The following RTN4 variants were observed in gnomAD, a reference collection of about 807,000 sequenced individuals.
RTN4 encodes reticulon-4.
In RTN4, 32 loss-of-function variants were observed where a neutral mutation model predicts 90.4. The observed-to-expected ratio is 0.35, with a 90% CI of 0.27 to 0.48. RTN4 has a LOEUF of 0.48. Among genes scored for constraint, RTN4 ranks in the 20% least tolerant of loss-of-function variants. The pLI is 0.99. For synonymous variants in RTN4, 629 were observed against 552.5 expected, an observed-to-expected ratio of 1.14 and a Z score of -1.94; for missense variants, 1,706 against 1,430.2, an observed-to-expected ratio of 1.19 and a Z score of -3.11.
chr2:55,104,691 T>A (rs564521420), intron 1 of RTN4, among the ~76,000 whole-genome samples: 1 of 152,064 alleles, frequency 6.6e-6, no homozygotes, highest in African/African-American at 2.4e-5. Flanking sequence ...TGAAGAGACA[T>A]CCATTCCTTC....
In RTN4 at chr2:55,049,737, GC is replaced by G; in HGVS notation, c.556+7del. 1 of 1,387,000 alleles carries G rather than the reference GC, an allele frequency of 7.2e-7. No individual in the cohort carries two copies. The highest frequency in any genetic ancestry group is 9.4e-7 in the Non-Finnish European group (1 of 1,065,110). 85.9% of individuals were successfully genotyped at this position (1,387,000 alleles called of 1,614,324 possible). On this transcript the variant is annotated splice_region_variant and intron_variant, in intron 1 of 8. Coordinates refer to ENST00000337526, the MANE Select transcript of RTN4 (RefSeq NM_020532.5). ...GGGCGGCGCGAAGCGAGAGGTCGCG[GC>G]ACTCACCCACTGAGCCCGAGGAGCC...
chr2:55,086,698 T>C (rs902130175), intron 1 of RTN4, among the ~76,000 whole-genome samples: 1 of 151,874 alleles, frequency 6.6e-6, no homozygotes, highest in Non-Finnish European at 1.5e-5. Context: ...TAATTAATAA[T>C]AATAATAACA....
chr2:55,047,100 G>A (rs766858582), intron 1 of RTN4, among the ~76,000 whole-genome samples: 15 of 152,184 alleles, frequency 9.9e-5, no homozygotes, highest in Non-Finnish European at 2.1e-4. Context: ...GCCAAGGTGG[G>A]TGGATCACTG....
intron 1 of RTN4, chr2:55,048,951 A>C (rs1170167782): frequency 4.3e-6 from 1 of 230,962 alleles, no homozygotes; most frequent in Non-Finnish European, 7.1e-6. Context: ...CCGACCCTGC[A>C]GCTGAAACCC....
At chr2:55,064,086 G>C (rs765499130) in intron 2 of RTN4, among the ~76,000 whole-genome samples, 2 of 151,820 alleles carry the variant, frequency 1.3e-5, no homozygotes, top group African/African-American at 4.8e-5. Flanking sequence ...GCCAGGTGTA[G>C]TGGTGTGTAC....
Position 55,025,704 on chromosome 2 carries a change from A to G in RTN4, c.2395T>C (p.Tyr799His), listed in dbSNP as rs1435203765. The stretch of plus-strand genomic sequence containing the variant: ...AAACTGAGCTTAAAAGATTCCAAAT[A>G]TGGCTTTCCTCCCTCAGGTGGCAAA... ...SALPPEGGKP[Y>H]LESFKLSLDN... The change falls in exon 3 of 9, where the codon TAT (tyrosine) becomes CAT (histidine). Residue 799 changes from tyrosine (Y) to histidine (H), a missense_variant. By Grantham distance (83) the Tyr-to-His change is moderately conservative. Coordinates refer to ENST00000337526, the MANE Select transcript of RTN4 (RefSeq NM_020532.5). 1 of 1,613,830 alleles carries G rather than the reference A, an allele frequency of 6.2e-7. No individual in the cohort carries two copies. Among genetic ancestry groups the G allele is most frequent in the African/African-American group, 1.3e-5 (1 of 75,020 alleles).
chr2:55,070,830 A>G (rs369860914), intron 2 of RTN4, among the ~76,000 whole-genome samples: 4 of 151,690 alleles, frequency 2.6e-5, no homozygotes, highest in South Asian at 4.2e-4. Flanking sequence ...AGGCTGGAGT[A>G]CAGTGGTGCG....
At chr2:55,007,445 A>G (rs931169337) in intron 3 of RTN4, among the ~76,000 whole-genome samples, 2 of 152,068 alleles carry the variant, frequency 1.3e-5, no homozygotes, top group Non-Finnish European at 2.9e-5. Flanking sequence ...CCAAAACTCA[A>G]TGTCTTCTGC....
chr2:55,112,686 G>C (rs1668059930), upstream of RTN4: 1 of 152,382 alleles, frequency 6.6e-6, no homozygotes, highest in Non-Finnish European at 1.5e-5. Context: ...CCGCCTTGCG[G>C]CTCGAGCATA....
intron 1 of RTN4, among the ~76,000 whole-genome samples, chr2:55,083,572 C>G (rs1668775431): frequency 6.6e-6 from 1 of 152,158 alleles, no homozygotes; most frequent in Admixed American, 6.5e-5. Context: ...CATACACACA[C>G]ACGTACTAGA....
At chr2:55,060,001 T>C (rs1035583189) in intron 2 of RTN4, among the ~76,000 whole-genome samples, 6 of 152,070 alleles carry the variant, frequency 3.9e-5, no homozygotes, top group Non-Finnish European at 8.8e-5. Flanking sequence ...TGATTAATGA[T>C]GCAAACAAGG....
chr2:54,981,277 GT>G (rs145702336), intron 5 of RTN4, among the ~76,000 whole-genome samples: 2 of 136,030 alleles, frequency 1.5e-5, no homozygotes, highest in Non-Finnish European at 1.6e-5. Context: ...AGGCTAAAAT[GT>G]TTTTGTTTTT....
At chr2:54,975,749 T>C (rs1350160467) in intron 5 of RTN4, among the ~76,000 whole-genome samples, 1 of 152,236 alleles carries the variant, frequency 6.6e-6, no homozygotes, top group Admixed American at 6.5e-5. Context: ...AATTAAGCAG[T>C]CAAACATTAG....
Position 54,987,482 on chromosome 2 carries a change from A to C in RTN4, c.3221+9T>G, listed in dbSNP as rs2580769. The C allele has an allele frequency of 0.73, 1,156,666 of 1,589,516 alleles. 426,699 individuals are homozygous for C. Among genetic ancestry groups the C allele is most frequent in the Non-Finnish European group, 0.76 (881,274 of 1,157,522 alleles). On this transcript the variant is annotated intron_variant, in intron 4 of 8. Transcript: ENST00000337526. ...TGCCAATGCATGCCTTGTTTTCCAG[A>C]CATCTCACCTGAATGGGTGGCCTTC...
At chr2:55,010,114 C>T (rs778291599) in intron 3 of RTN4, 9 of 1,613,468 alleles carry the variant, frequency 5.6e-6, no homozygotes, top group Middle Eastern at 1.7e-4. Context: ...TTCTTCTGAC[C>T]GTCCATCTCT....
chr2:55,043,595 T>C (rs559541231), intron 1 of RTN4, among the ~76,000 whole-genome samples: 3 of 151,680 alleles, frequency 2.0e-5, no homozygotes, highest in Admixed American at 1.3e-4. Context: ...TTTAAAAAAA[T>C]AAAAATAAGG....
intron 1 of RTN4, 36 bp downstream of exon 1, chr2:55,049,709 G>A (rs1667988921): frequency 1.4e-6 from 2 of 1,415,096 alleles, no homozygotes; most frequent in Non-Finnish European, 9.3e-7. Context: ...GGAGGGGCGC[G>A]AGGGGCGGCG....
chr2:55,012,270 C>T (rs1391036192), intron 3 of RTN4, among the ~76,000 whole-genome samples: 1 of 152,160 alleles, frequency 6.6e-6, no homozygotes, highest in Non-Finnish European at 1.5e-5. Context: ...GACATACCCA[C>T]TCATCTAAAC....
intron 5 of RTN4, among the ~76,000 whole-genome samples, chr2:54,980,164 C>CA (rs1163991427): frequency 3.9e-5 from 6 of 151,920 alleles, no homozygotes; most frequent in African/African-American, 1.2e-4. Context: ...ATTGCTTTTA[C>CA]AAAAAAATGT....
Sources: gnomAD v4.1 joint callset for allele counts (sites outside exome capture counted in the v4.1 genomes callset) on GRCh38, gnomAD v4.1.1 for gene constraint, MANE v1.5 for transcripts, NCBI Gene and HGNC (gene_info 2026-07-23, HGNC 2026-07-21) for gene names.